PIWIL2: variants seen among roughly 807,000 people sequenced by gnomAD.
PIWIL2 encodes piwi-like protein 2.
Under a neutral mutation model 116.5 loss-of-function variants are expected in PIWIL2, and 81 were observed. That is an observed-to-expected ratio of 0.70 (90% CI 0.58 to 0.84). PIWIL2 has a LOEUF of 0.84. Ranked by LOEUF, PIWIL2 falls within the 40% of genes least tolerant of loss-of-function variation. The probability of loss-of-function intolerance (pLI) is 0.00; values close to 1 mark genes in which losing one functional copy is unlikely to be tolerated. For synonymous variants in PIWIL2, 489 were observed against 429.5 expected (o/e 1.14, Z -1.71); for missense variants, 1,272 against 1,212.3 (o/e 1.05, Z -0.73).
At chr8:22,291,774 T>G (rs1830773106) in intron 10 of PIWIL2, among the ~76,000 whole-genome samples, 2 of 152,142 alleles carry the variant, frequency 1.3e-5, no homozygotes, top group Admixed American at 1.3e-4. Flanking sequence ...AACCAGAGTC[T>G]TAGGACCTAT....
At chr8:22,277,006 A>G (rs1380080135) in intron 1 of PIWIL2, among the ~76,000 whole-genome samples, 1 of 151,232 alleles carries the variant, frequency 6.6e-6, no homozygotes, top group African/African-American at 2.4e-5. Flanking sequence ...TGAAATCTGT[A>G]GGTTATAAAG....
rs1184083647 is a variant in PIWIL2 at position 22,283,217 on chromosome 8, C to T, written c.609C>T (p.Val203=). 1.9e-6 allele frequency: 3 copies of T among 1,613,840 alleles called. No homozygotes were observed. Among genetic ancestry groups the T allele is most frequent in the Non-Finnish European group, 2.5e-6 (3 of 1,179,800 alleles). ...SPLHSPDRPL[V]LTVEHKEKEL... is the part of the protein sequence containing the mutation. ...TGCACTCTCCAGATCGCCCTCTGGT[C>T]CTGACTGTGGAACACAAGGAAAAGT... The change falls in exon 5 of 23, where the codon GTC becomes GTT. Residue 203 remains valine (V), a synonymous_variant. Transcript: ENST00000356766.
intron 20 of PIWIL2, among the ~76,000 whole-genome samples, chr8:22,327,024 CTT>C (rs71544876): frequency 8.5e-5 from 9 of 105,464 alleles, no homozygotes; most frequent in African/African-American, 3.4e-4. Flanking sequence ...TGTTTTTTTA[CTT>C]TTTTTTTTTT....
chr8:22,323,068 C>T (rs1831640330), intron 20 of PIWIL2, among the ~76,000 whole-genome samples: 2 of 151,774 alleles, frequency 1.3e-5, no homozygotes, highest in Non-Finnish European at 2.9e-5. Flanking sequence ...CACACACCAC[C>T]ACACCCAGCT....
chr8:22,342,616 T>TA (rs1832136707), intron 20 of PIWIL2, among the ~76,000 whole-genome samples: 1 of 152,130 alleles, frequency 6.6e-6, no homozygotes. Context: ...TTGCAAAAAT[T>TA]AAAACAAATT....
At chr8:22,287,397 C>A in intron 6 of PIWIL2, 131 bp from the exon 7 acceptor site, 2 of 703,494 alleles carry the variant, frequency 2.8e-6, no homozygotes, top group Non-Finnish European at 2.6e-6. Context: ...AAGTTCTAGG[C>A]AGATAGATAA....
At chr8:22,287,948 C>G (rs1434372967) in intron 7 of PIWIL2, among the ~76,000 whole-genome samples, 1 of 152,178 alleles carries the variant, frequency 6.6e-6, no homozygotes, top group African/African-American at 2.4e-5. Context: ...GAAGCACCTT[C>G]TCACATGAGA....
intron 20 of PIWIL2, among the ~76,000 whole-genome samples, chr8:22,351,330 A>C (rs1832348514): frequency 6.7e-6 from 1 of 148,956 alleles, no homozygotes; most frequent in African/African-American, 2.5e-5. Context: ...AAAAAAAAAA[A>C]CAAATTGAAA....
Position 22,354,323 on chromosome 8 carries a change from A to G in PIWIL2, c.2710A>G (p.Thr904Ala), listed in dbSNP as rs1832441682. The change falls in exon 22 of 23, where the codon ACG becomes GCG. Residue 904 changes from threonine (T) to alanine (A), a missense_variant. Thr to Ala is a moderately conservative substitution (Grantham distance 58, BLOSUM62 0). Coordinates refer to ENST00000356766, the MANE Select transcript of PIWIL2 (RefSeq NM_018068.5). The stretch of plus-strand genomic sequence containing the variant: ...TGTACGGCAGGGCTGTGGCATTCCT[A>G]CGCATTATGTCTGTGTTCTCAACAC... ...HHVRQGCGIPTHYVCVLNTAN... is the reference protein window; with the variant it reads ...HHVRQGCGIPAHYVCVLNTAN... 2 of 1,613,714 alleles carry G rather than the reference A, an allele frequency of 1.2e-6. No individual in the cohort carries two copies. Among genetic ancestry groups the G allele is most frequent in the East Asian group, 4.5e-5 (2 of 44,864 alleles).
At chr8:22,348,445 C>A (rs964399980) in intron 20 of PIWIL2, among the ~76,000 whole-genome samples, 1 of 151,918 alleles carries the variant, frequency 6.6e-6, no homozygotes, top group Non-Finnish European at 1.5e-5. Context: ...TGACCCTTGC[C>A]CCTCTGCGCA....
rs754124990 is a variant in PIWIL2 at position 22,283,045 on chromosome 8, G to A, written c.437G>A (p.Arg146Lys). 1 of 1,614,018 alleles carries A rather than the reference G, an allele frequency of 6.2e-7. No homozygotes were observed. The highest frequency in any genetic ancestry group is 8.5e-7 in the Non-Finnish European group (1 of 1,179,866). The change falls in exon 5 of 23, where the codon AGA becomes AAA. Residue 146 changes from arginine (R) to lysine (K), a missense_variant. Physicochemically the swap from Arg to Lys is conservative, Grantham distance 26. Coordinates refer to ENST00000356766, the MANE Select transcript of PIWIL2 (RefSeq NM_018068.5). ...TSVGWSRTLGRGSSDASLLPL... is the reference protein window; with the variant it reads ...TSVGWSRTLGKGSSDASLLPL... Reference sequence around the variant, plus strand: ...TCTCCACATTTCAGGACGCTTGGAAGAGGGAGTTCAGATGCGTCTTTATTA... The same window carrying A: ...TCTCCACATTTCAGGACGCTTGGAAAAGGGAGTTCAGATGCGTCTTTATTA...
intron 17 of PIWIL2, 57 bp downstream of exon 17, chr8:22,314,486 G>T: frequency 3.7e-6 from 3 of 807,868 alleles, no homozygotes; most frequent in Non-Finnish European, 3.9e-6. Context: ...CCCGAGGCTT[G>T]AGAAGAGGGA....
chr8:22,296,020 C>CTTTTTTTTTTTT (rs67357452), intron 10 of PIWIL2, among the ~76,000 whole-genome samples: 17 of 102,842 alleles, frequency 1.7e-4, no homozygotes, highest in East Asian at 2.5e-4. Flanking sequence ...CTCTTCCCTT[C>CTTTTTTTTTTTT]TTTTTTTTTT....
At chr8:22,300,785 T>A (rs995044863) in intron 10 of PIWIL2, among the ~76,000 whole-genome samples, 4 of 152,210 alleles carry the variant, frequency 2.6e-5, no homozygotes, top group African/African-American at 7.2e-5. Flanking sequence ...GTACTTCCCA[T>A]TCATTTGTCT....
intron 18 of PIWIL2, among the ~76,000 whole-genome samples, chr8:22,315,452 G>A (rs147753003): frequency 0.05 from 7,543 of 152,128 alleles, 290 homozygotes; most frequent in Admixed American, 0.086. Flanking sequence ...GAGTAGCTGG[G>A]ATTACAGGTG....
At position 22,315,159 on chromosome 8, in the gene PIWIL2, A is replaced by C. The variant is rs1206391255; in HGVS notation, c.2208+14A>C. The C allele has an allele frequency of 7.3e-7, 1 of 1,376,636 alleles. No individual in the cohort carries two copies. The highest frequency in any genetic ancestry group is 1.7e-5 in the Admixed American group (1 of 59,614). The allele number at this position is 1,376,636 out of a possible 1,614,324, so 85.3% of individuals were successfully genotyped here. A position where few individuals can be genotyped will look rare whatever the true frequency, so the allele number is the denominator to read the frequency against. Reference sequence around the variant, plus strand: ...GATATTCCTCTGGTGAGTGATGCCGAGATGGTTCAGTTTGCCTCTCCAGAG... The same window carrying C: ...GATATTCCTCTGGTGAGTGATGCCGCGATGGTTCAGTTTGCCTCTCCAGAG... On this transcript the variant is annotated intron_variant, in intron 18 of 22. Coordinates refer to ENST00000356766, the MANE Select transcript of PIWIL2 (RefSeq NM_018068.5).
chr8:22,342,725 G>A (rs1832139106), intron 20 of PIWIL2, among the ~76,000 whole-genome samples: 1 of 152,066 alleles, frequency 6.6e-6, no homozygotes, highest in African/African-American at 2.4e-5. Flanking sequence ...TAGATATGAT[G>A]CCAAAAGCCC....
At chr8:22,350,902 AG>A (rs1832337745) in intron 20 of PIWIL2, among the ~76,000 whole-genome samples, 1 of 152,130 alleles carries the variant, frequency 6.6e-6, no homozygotes, top group Admixed American at 6.5e-5. Flanking sequence ...GTACTTTGGG[AG>A]GCCAAGGTAG....
At position 22,304,824 on chromosome 8, in the gene PIWIL2, T is replaced by C. The variant is rs781171175; in HGVS notation, c.1411T>C (p.Leu471=). ...GITVKEEDQP[L]LIHRPSERQD... is the part of the protein sequence containing the mutation. The stretch of plus-strand genomic sequence containing the variant: ...CACAGTTAAGGAAGAGGACCAGCCA[T>C]TGCTGATTCACAGGCCCAGTGAGAG... Residue 471 remains leucine, a synonymous_variant, in exon 12 of 23, where the codon TTG becomes CTG. Transcript: ENST00000356766. The C allele has an allele frequency of 1.6e-5, 26 of 1,613,550 alleles. No individual in the cohort carries two copies. The highest frequency in any genetic ancestry group is 1.7e-5 in the Non-Finnish European group (20 of 1,179,572).
Sources: allele counts gnomAD v4.1 joint callset (sites outside exome capture counted in the v4.1 genomes callset), GRCh38; gene constraint gnomAD v4.1.1; transcripts MANE v1.5; gene names NCBI Gene and HGNC (gene_info 2026-07-23, HGNC 2026-07-21).